The following ONECUT3 variants were observed in gnomAD, a reference collection of about 807,000 sequenced individuals.
ONECUT3 encodes one cut homeobox 3, also known as one cut domain family member 3.
In ONECUT3, 11 loss-of-function variants were observed where a neutral mutation model predicts 16.8. The ratio of observed to expected loss-of-function variants is 0.66; its 90% CI spans 0.41 to 1.09. ONECUT3 has a LOEUF of 1.09. Among genes scored for constraint, ONECUT3 ranks in the 50% least tolerant of loss-of-function variants. ONECUT3 has a pLI of 0.00. For synonymous variants in ONECUT3, 344 were observed against 310.7 expected, an observed-to-expected ratio of 1.11 and a Z score of -1.13; for missense variants, 637 against 629.9, an observed-to-expected ratio of 1.01 and a Z score of -0.12.
At chr19:1,772,801 C>A (rs1389791521) in intron 1 of ONECUT3, among the ~76,000 whole-genome samples, 4 of 140,690 alleles carry the variant, frequency 2.8e-5, no homozygotes, top group African/African-American at 1.1e-4. Context: ...TCAAGCAATT[C>A]TCCTGCCTCA....
chr19:1,768,936 AGGAGGTAGAGGT>A (rs2068022663), intron 1 of ONECUT3, among the ~76,000 whole-genome samples: 1 of 144,910 alleles, frequency 6.9e-6, no homozygotes, highest in African/African-American at 2.5e-5. Flanking sequence ...GTGAAGGTGG[AGGAGGTAGAGGT>A]AGAGGTGCTG....
At chr19:1,770,708 T>C (rs577868035) in intron 1 of ONECUT3, among the ~76,000 whole-genome samples, 7 of 152,358 alleles carry the variant, frequency 4.6e-5, no homozygotes, top group Admixed American at 6.5e-5. Context: ...AATGGAGGAC[T>C]GGGTCCTCTC....
At chr19:1,767,523 G>A (rs756921126) in intron 1 of ONECUT3, among the ~76,000 whole-genome samples, 8 of 152,160 alleles carry the variant, frequency 5.3e-5, no homozygotes, top group Non-Finnish European at 1.0e-4. Flanking sequence ...GCCTTCATCC[G>A]GAACTTGAGG....
In ONECUT3 at chr19:1,754,411, C is replaced by G; in HGVS notation, c.749C>G (p.Ala250Gly). ...LPPAAFEPHA[A>G]LLGRAEDALA... ...CCCGCCGCCTTCGAGCCGCACGCCG[C>G]GCTGCTGGGACGCGCGGAGGACGCA... The change falls in exon 1 of 2, where the codon GCG (alanine) becomes GGG (glycine). Residue 250 changes from alanine to glycine, a missense_variant. Physicochemically the swap from Ala to Gly is moderately conservative, Grantham distance 60. Transcript: ENST00000382349. The surrounding 1 kb of genome is among the most constrained non-coding windows in gnomAD (Gnocchi z 7.4). The G allele has an allele frequency of 9.3e-7, 1 of 1,077,810 alleles. No individual in the cohort carries two copies. The highest frequency in any genetic ancestry group is 1.1e-6 in the Non-Finnish European group (1 of 883,700). 66.8% of individuals were successfully genotyped at this position (1,077,810 alleles called of 1,614,324 possible).
At chr19:1,761,532 G>C (rs1441485877) in intron 1 of ONECUT3, among the ~76,000 whole-genome samples, 1 of 152,232 alleles carries the variant, frequency 6.6e-6, no homozygotes, top group Non-Finnish European at 1.5e-5. Context: ...ATGTGGGAGG[G>C]GACTTCTGGC....
chr19:1,771,760 G>A (rs868361412), intron 1 of ONECUT3, among the ~76,000 whole-genome samples: 30 of 151,326 alleles, frequency 2.0e-4, no homozygotes, highest in African/African-American at 6.3e-4. Context: ...ACTCACTGCA[G>A]CCTTGACCTT....
rs556897931 is a variant in ONECUT3, at chr19:1,765,508, G to A, written c.1193-9645G>A. 3.3e-4 allele frequency among the ~76,000 whole-genome samples: 51 copies of A among 152,266 alleles called. 1 individual carries two copies. In the South Asian group the frequency reaches 0.01, roughly 31 times the overall value. On this transcript the variant is annotated intron_variant, in intron 1 of 1. Transcript: ENST00000382349. ...GAGCGGAGCTGGCCTCCTCATTGGG[G>A]AACAGAGTCCCAGGCAGCCGCCGCT...
In ONECUT3 at chr19:1,775,685, C is replaced by CG. The variant is rs1005052596; in HGVS notation, c.*240_*241insG. The CG allele has an allele frequency of 4.1e-5, 16 of 392,126 alleles. No individual in the cohort carries two copies. The highest frequency in any genetic ancestry group is 2.3e-4 in the African/African-American group (11 of 46,894). The allele number at this position is 392,126 out of a possible 1,614,324, so 24.3% of individuals were successfully genotyped here. Reference sequence around the variant, plus strand: ...CCAGGCCAAAGGAAGCCCTCCACCCCCCCCCGGAGGGGAGGGAGTGACAGA... The same window carrying CG: ...CCAGGCCAAAGGAAGCCCTCCACCCCGCCCCCGGAGGGGAGGGAGTGACAGA... On this transcript the variant is annotated 3_prime_UTR_variant, in exon 2 of 2. Coordinates refer to ENST00000382349, the MANE Select transcript of ONECUT3 (RefSeq NM_001080488.2).
rs1454622446 is a variant in ONECUT3 at position 1,777,100 on chromosome 19, CTTCTTCTTGAACCAAAGACGTGT to C, written c.*1656_*1678del. On this transcript the variant is annotated 3_prime_UTR_variant, in exon 2 of 2. Coordinates refer to ENST00000382349, the MANE Select transcript of ONECUT3 (RefSeq NM_001080488.2). ...AGAGGATCGTGAGGTCGAAGAGTGCCTTCTTCTTGAACCAAAGACGTGTATGGAGTGTTCTCTTGTCCTTATCG... is the reference window on the plus strand; with the variant it reads ...AGAGGATCGTGAGGTCGAAGAGTGCCATGGAGTGTTCTCTTGTCCTTATCG... 3.3e-5 allele frequency: 5 copies of C among 152,178 alleles called. No individual in the cohort carries two copies. Among genetic ancestry groups the C allele is most frequent in the Non-Finnish European group, 5.9e-5 (4 of 68,072 alleles). The allele number at this position is 152,178 out of a possible 1,614,324, so 9.4% of individuals were successfully genotyped here.
chr19:1,765,958 A>G (rs1363546770), intron 1 of ONECUT3, among the ~76,000 whole-genome samples: 2 of 152,142 alleles, frequency 1.3e-5, no homozygotes, highest in Admixed American at 6.5e-5. Flanking sequence ...CTCACGTCTC[A>G]CGTCCACACC....
Position 1,755,981 on chromosome 19 carries a change from C to G in ONECUT3, c.1192+1127C>G, listed in dbSNP as rs1274694519. ...CCACCCGGGCCACAGGGACAATAGCCGCGGCGGCTGGCGCCTGATCGATCG... is the reference window on the plus strand; with the variant it reads ...CCACCCGGGCCACAGGGACAATAGCGGCGGCGGCTGGCGCCTGATCGATCG... On this transcript the variant is annotated intron_variant, in intron 1 of 1. Transcript: ENST00000382349. The surrounding 1 kb of genome is among the most constrained non-coding windows in gnomAD (Gnocchi z 7.5). 6.6e-6 allele frequency among the ~76,000 whole-genome samples: 1 copy of G among 152,194 alleles called. No homozygotes were observed. Among genetic ancestry groups the G allele is most frequent in the African/African-American group, 2.4e-5 (1 of 41,436 alleles).
intron 1 of ONECUT3, among the ~76,000 whole-genome samples, chr19:1,770,115 G>C (rs1156655525): frequency 6.6e-6 from 1 of 152,150 alleles, no homozygotes; most frequent in Non-Finnish European, 1.5e-5. Context: ...GATTGAGGCT[G>C]GGTACTGTGA....
In ONECUT3 at chr19:1,758,691, C is replaced by G. The variant is rs1332476588; in HGVS notation, c.1192+3837C>G. Among the ~76,000 whole-genome samples the G allele has an allele frequency of 6.6e-6, 1 of 151,354 alleles. No individual in the cohort carries two copies. ...CCCCACCCCATGGTCCTCCGAGTCCCGCACTTCGGAGCTGCCTCCTGGTCA... is the reference window on the plus strand; with the variant it reads ...CCCCACCCCATGGTCCTCCGAGTCCGGCACTTCGGAGCTGCCTCCTGGTCA... On this transcript the variant is annotated intron_variant, in intron 1 of 1. Transcript: ENST00000382349. This position sits in a 1 kb window ranked among gnomAD's most constrained non-coding sequence, Gnocchi z 5.9.
chr19:1,760,332 G>T (rs1427557455), intron 1 of ONECUT3, among the ~76,000 whole-genome samples: 1 of 151,926 alleles, frequency 6.6e-6, no homozygotes, highest in African/African-American at 2.4e-5. Flanking sequence ...CTGACCTCCA[G>T]CAGAGATGGG....
rs2068104302 is a variant in ONECUT3 at position 1,775,967 on chromosome 19, C to G, written c.*522C>G. The G allele has an allele frequency of 6.6e-6, 1 of 150,496 alleles. No individual in the cohort carries two copies. The highest frequency in any genetic ancestry group is 1.5e-5 in the Non-Finnish European group (1 of 67,630). 9.3% of individuals were successfully genotyped at this position (150,496 alleles called of 1,614,324 possible). Reference sequence around the variant, plus strand: ...GGGACCTCAGCCCTTTCCAAAGTCGCCAAAAACCCACATCAAGCCGGATCC... The same window carrying G: ...GGGACCTCAGCCCTTTCCAAAGTCGGCAAAAACCCACATCAAGCCGGATCC... On this transcript the variant is annotated 3_prime_UTR_variant, in exon 2 of 2. Transcript: ENST00000382349.
At chr19:1,768,117 G>C (rs2068010081) in intron 1 of ONECUT3, among the ~76,000 whole-genome samples, 1 of 152,092 alleles carries the variant, frequency 6.6e-6, no homozygotes, top group African/African-American at 2.4e-5. Flanking sequence ...ATCCTGTCAG[G>C]ACCCAAACCC....
chr19:1,779,577 AAAGG>A lies in ONECUT3; in HGVS notation c.*4136_*4139del, dbSNP rs1412806472. The A allele has an allele frequency of 6.6e-6, 1 of 151,242 alleles. No homozygotes were observed. Among genetic ancestry groups the A allele is most frequent in the African/African-American group, 2.4e-5 (1 of 41,096 alleles). The allele number at this position is 151,242 out of a possible 1,614,324, so 9.4% of individuals were successfully genotyped here. A position where few individuals can be genotyped will look rare whatever the true frequency, so the allele number is the denominator to read the frequency against. ...TGTTCAAATGTAATTTAAGAAAAAA[AAAGG>A]AAGAAAAATGCAAAAAAAAAAGACA... On this transcript the variant is annotated 3_prime_UTR_variant, in exon 2 of 2. Coordinates refer to ENST00000382349, the MANE Select transcript of ONECUT3 (RefSeq NM_001080488.2).
intron 1 of ONECUT3, among the ~76,000 whole-genome samples, chr19:1,770,519 G>A (rs2068044592): frequency 6.6e-6 from 1 of 152,226 alleles, no homozygotes; most frequent in Non-Finnish European, 1.5e-5. Context: ...TGAGCTTTCT[G>A]AGGAGCATTT....
Position 1,754,128 on chromosome 19 carries a change from C to A in ONECUT3, c.466C>A (p.Pro156Thr). ...HPAAAPPPPP[P>T]PQRLAASVSG... is the part of the protein sequence containing the mutation. ...GGCGGCCGCGCCGCCCCCGCCACCC[C>A]CGCCGCAGCGTCTGGCGGCCAGCGT... Residue 156 changes from proline (P) to threonine (T), a missense_variant, in exon 1 of 2, where the codon CCG (proline) becomes ACG (threonine). Coordinates refer to ENST00000382349, the MANE Select transcript of ONECUT3 (RefSeq NM_001080488.2). This position sits in a 1 kb window ranked among gnomAD's most constrained non-coding sequence, Gnocchi z 7.4. The A allele has an allele frequency of 9.6e-7, 1 of 1,045,200 alleles. No homozygotes were observed. Among genetic ancestry groups the A allele is most frequent in the Admixed American group, 5.7e-5 (1 of 17,620 alleles). 64.7% of individuals were successfully genotyped at this position (1,045,200 alleles called of 1,614,324 possible). A position where few individuals can be genotyped will look rare whatever the true frequency, so the allele number is the denominator to read the frequency against.
Sources: allele counts gnomAD v4.1 joint callset (sites outside exome capture counted in the v4.1 genomes callset), GRCh38; gene constraint gnomAD v4.1.1; non-coding constraint Gnocchi (gnomAD v3.1); transcripts MANE v1.5; gene names NCBI Gene and HGNC (gene_info 2026-07-23, HGNC 2026-07-21).